DPH6: variants seen among roughly 807,000 people sequenced by gnomAD.
DPH6 encodes diphthamine biosynthesis 6, also known as diphthine--ammonia ligase.
DPH6 carries 33 observed loss-of-function variants against 38.2 expected under a neutral mutation model. The observed-to-expected ratio is 0.86, with a 90% CI of 0.65 to 1.15. DPH6 has a LOEUF of 1.15. DPH6 is among the 50% of genes most tolerant of loss of function. DPH6 has a pLI of 0.00. For synonymous variants in DPH6, 108 were observed against 103.0 expected (o/e 1.05, Z -0.30); for missense variants, 325 against 320.0 (o/e 1.02, Z -0.12).
intron 3 of DPH6, among the ~76,000 whole-genome samples, chr15:35,471,642 A>C (rs546960161): frequency 6.6e-6 from 1 of 151,740 alleles, no homozygotes; most frequent in South Asian, 2.1e-4. Flanking sequence ...CTTTGTTCTT[A>C]CTCTTCTCTC....
chr15:35,529,547 G>T (rs747083737), intron 3 of DPH6, among the ~76,000 whole-genome samples: 34 of 152,026 alleles, frequency 2.2e-4, no homozygotes, highest in Non-Finnish European at 4.4e-4. Flanking sequence ...TCCCCCAAAT[G>T]GGATTTTTTC....
intron 4 of DPH6, among the ~76,000 whole-genome samples, chr15:35,452,003 C>G (rs2053941323): frequency 6.6e-6 from 1 of 152,282 alleles, no homozygotes; most frequent in South Asian, 2.1e-4. Flanking sequence ...GAGCGAGACT[C>G]TGTCTCAAAA....
chr15:35,276,383 T>A (rs951693615), intron 3 of DPH6, among the ~76,000 whole-genome samples: 1 of 152,260 alleles, frequency 6.6e-6, no homozygotes, highest in African/African-American at 2.4e-5. Context: ...CTCTGTGGGT[T>A]GTCTGTTTAC....
In DPH6 at chr15:35,496,567, A is replaced by AAAAAATATATATATATATATATATAT; in HGVS notation, c.312+41706_312+41707insATATATATATATATATATATATTTTT. On this transcript the variant is annotated intron_variant, in intron 3 of 8. Coordinates refer to ENST00000256538, the MANE Select transcript of DPH6 (RefSeq NM_080650.4). ...GAAAGTTCCATCTCAAAAAAAAAAA[A>AAAAAATATATATATATATATATATAT]ATATATATATATATATATATATATC... Among the ~76,000 whole-genome samples, 58 of 30,988 alleles carry AAAAAATATATATATATATATATATAT rather than the reference A, an allele frequency of 1.9e-3. 1 individual carries two copies. The highest frequency in any genetic ancestry group is 2.6e-3 in the Non-Finnish European group (49 of 19,016). 20.3% of individuals were successfully genotyped at this position (30,988 alleles called of 152,430 possible). A position where few individuals can be genotyped will look rare whatever the true frequency, so the allele number is the denominator to read the frequency against.
At chr15:35,449,726 AAGG>A (rs796337979) in intron 5 of DPH6, among the ~76,000 whole-genome samples, 11 of 152,144 alleles carry the variant, frequency 7.2e-5, no homozygotes, top group East Asian at 3.9e-4. Context: ...TTTAACAGCT[AAGG>A]AGATCAACTA....
intron 3 of DPH6, 69 bp downstream of exon 3, chr15:35,538,202 AAAT>A: frequency 7.8e-7 from 1 of 1,287,428 alleles, no homozygotes; most frequent in Non-Finnish European, 1.0e-6. Context: ...ACGGATTACT[AAAT>A]AATTCGGCAA....
chr15:35,446,447 C>G (rs1172438558), intron 5 of DPH6, among the ~76,000 whole-genome samples: 2 of 151,088 alleles, frequency 1.3e-5, no homozygotes, highest in African/African-American at 4.8e-5. Flanking sequence ...CCAGGCTGGT[C>G]TCACTCCTGA....
At chr15:35,457,879 C>T (rs1258098201) in intron 3 of DPH6, among the ~76,000 whole-genome samples, 1 of 152,120 alleles carries the variant, frequency 6.6e-6, no homozygotes, top group Non-Finnish European at 1.5e-5. Context: ...GTTACTACTT[C>T]TACTATTACT....
chr15:35,507,571 T>G (rs995895798), intron 3 of DPH6, among the ~76,000 whole-genome samples: 2 of 152,038 alleles, frequency 1.3e-5, no homozygotes, highest in African/African-American at 4.8e-5. Context: ...AGCAAAACAA[T>G]TTTTCATTAA....
At chr15:35,202,074 TATTGA>T in the DPH6 span, among the ~76,000 whole-genome samples, 2 of 151,880 alleles carry the variant, frequency 1.3e-5, no homozygotes, top group South Asian at 4.1e-4. Context: ...TTCATTGCAG[TATTGA>T]ATTGTCTAGA....
chr15:35,366,825 T>C (rs2052665455), downstream of DPH6, among the ~76,000 whole-genome samples: 2 of 151,982 alleles, frequency 1.3e-5, no homozygotes, highest in East Asian at 1.9e-4. Flanking sequence ...TTGGGAATAA[T>C]GATTACAGTG....
chr15:35,466,470 GA>G (rs1396906137), intron 3 of DPH6, among the ~76,000 whole-genome samples: 1 of 152,048 alleles, frequency 6.6e-6, no homozygotes, highest in African/African-American at 2.4e-5. Context: ...TGATTAGTTT[GA>G]GATAACTAAA....
At chr15:35,176,801 T>C in the DPH6 span, among the ~76,000 whole-genome samples, 2 of 152,174 alleles carry the variant, frequency 1.3e-5, no homozygotes, top group African/African-American at 4.8e-5. Context: ...CTATTGTCAT[T>C]TGGATTATTT....
At chr15:35,448,088 C>A (rs902002903) in intron 5 of DPH6, among the ~76,000 whole-genome samples, 3 of 152,012 alleles carry the variant, frequency 2.0e-5, no homozygotes, top group African/African-American at 7.2e-5. Context: ...TTTCCTTTAT[C>A]ATTTCTCTCT....
At chr15:35,237,432 G>T (rs1166263906) in intron 3 of DPH6, 1 of 1,605,492 alleles carries the variant, frequency 6.2e-7, no homozygotes, top group African/African-American at 1.3e-5. Context: ...AAACTCGAAG[G>T]CCTCACAGAT....
At chr15:35,157,583 T>C in the DPH6 span, among the ~76,000 whole-genome samples, 1 of 152,112 alleles carries the variant, frequency 6.6e-6, no homozygotes, top group Non-Finnish European at 1.5e-5. Context: ...TGTCCCCTCA[T>C]TTCCGGCACC....
intron 3 of DPH6, among the ~76,000 whole-genome samples, chr15:35,323,759 C>G (rs1007518357): frequency 2.0e-5 from 3 of 152,146 alleles, no homozygotes; most frequent in Non-Finnish European, 4.4e-5. Flanking sequence ...TAACTAAATG[C>G]AGCACAAGAA....
At chr15:35,334,447 G>C (rs1186801993) in intron 3 of DPH6, among the ~76,000 whole-genome samples, 1 of 152,094 alleles carries the variant, frequency 6.6e-6, no homozygotes, top group South Asian at 2.1e-4. Flanking sequence ...GTGCAGGTTT[G>C]TAACATAGGT....
chr15:35,344,555 T>G (rs1162735530), intron 3 of DPH6, among the ~76,000 whole-genome samples: 1 of 151,926 alleles, frequency 6.6e-6, no homozygotes, highest in East Asian at 1.9e-4. Context: ...GGATTTTATA[T>G]TCTCTCATTA....
Sources: gnomAD v4.1 joint callset for allele counts (sites outside exome capture counted in the v4.1 genomes callset) on GRCh38, gnomAD v4.1.1 for gene constraint, MANE v1.5 for transcripts, NCBI Gene and HGNC (gene_info 2026-07-23, HGNC 2026-07-21) for gene names.